NDUFB8: variants seen among roughly 807,000 people sequenced by gnomAD.
NDUFB8 encodes the protein NADH dehydrogenase [ubiquinone] 1 beta subcomplex subunit 8, mitochondrial.
In NDUFB8, 17 loss-of-function variants were observed where a neutral mutation model predicts 26.0. The ratio of observed to expected loss-of-function variants is 0.65; its 90% CI spans 0.45 to 0.98. NDUFB8 has a LOEUF of 0.98. NDUFB8 is among the 50% of genes least tolerant of loss of function. The pLI is 0.00. For synonymous variants in NDUFB8, 89 were observed against 93.1 expected (o/e 0.96, Z 0.25); for missense variants, 238 against 255.0 (o/e 0.93, Z 0.45).
rs758254924 is a variant in NDUFB8, at chr10:100,529,489, C to T, written c.103G>A (p.Asp35Asn). The T allele has an allele frequency of 3.1e-6, 5 of 1,612,180 alleles. No homozygotes were observed. Among genetic ancestry groups the T allele is most frequent in the South Asian group, 2.2e-5 (2 of 90,960 alleles). Residue 35 changes from aspartate (D) to asparagine (N), a missense_variant, in exon 2 of 5, where the codon GAC becomes AAC. Coordinates refer to ENST00000299166, the MANE Select transcript of NDUFB8 (RefSeq NM_005004.4). ...CTAGGATAGGGCCCCGGGAACATGT[C>T]CTTGGTCATGTGGGAGGCTAGAACG... ...GARTASHMTK[D>N]MFPGPYPRTP... is the part of the protein sequence containing the mutation.
At position 100,526,477 on chromosome 10, in the gene NDUFB8, A is replaced by T. The variant is rs1489656155; in HGVS notation, c.390T>A (p.Cys130Ter). Residue 130 changes from cysteine (C) to a stop codon, truncating the protein, a stop_gained, in exon 4 of 5, where the codon TGT (cysteine) becomes TGA (stop). Transcript: ENST00000299166. LOFTEE classifies it high-confidence loss of function. Reference protein sequence around the residue: ...SPTPVSWHVMCMQLFGFLAFM... With the variant: ...SPTPVSWHVM ...AAGCCAGGAAACCGAAGAGCTGCAT[A>T]CACATGACATGCCAAGAAACAGGTG... The T allele has an allele frequency of 6.2e-7, 1 of 1,613,066 alleles. No homozygotes were observed. Among genetic ancestry groups the T allele is most frequent in the East Asian group, 2.2e-5 (1 of 44,872 alleles).
rs1395471119 is a variant in NDUFB8 at position 100,524,160 on chromosome 10, GGGGGAGGGAAGGGGGTTA to G, written c.469-249_469-232del. On this transcript the variant is annotated intron_variant, in intron 4 of 4. Coordinates refer to ENST00000299166, the MANE Select transcript of NDUFB8 (RefSeq NM_005004.4). This position sits in a 1 kb window ranked among gnomAD's most constrained non-coding sequence, Gnocchi z 4.0. Reference sequence around the variant, plus strand: ...CTACACTGTGAGAGAGAAGGAGAAAGGGGGAGGGAAGGGGGTTAGGGAAAGGAGGGGAAGGGAGGAAGA... The same window carrying G: ...CTACACTGTGAGAGAGAAGGAGAAAGGGGAAAGGAGGGGAAGGGAGGAAGA... 10 of 1,564,510 alleles carry G rather than the reference GGGGGAGGGAAGGGGGTTA, an allele frequency of 6.4e-6. No homozygotes were observed. The highest frequency in any genetic ancestry group is 8.7e-6 in the Non-Finnish European group (10 of 1,151,370).
In NDUFB8 at chr10:100,526,985, C is replaced by G. The variant is rs756739746; in HGVS notation, c.302G>C (p.Trp101Ser). The change falls in exon 3 of 5, where the codon TGG becomes TCG. Residue 101 changes from tryptophan to serine, a missense_variant. By Grantham distance (177) the Trp-to-Ser change is radical (BLOSUM62 -3). Transcript: ENST00000299166. Reference protein sequence around the residue: ...SWDQPGLRLNWGEPMHWHLDM... With the variant: ...SWDQPGLRLNSGEPMHWHLDM... ...ATATGGTTCTCTTACCGGTTCACCC[C>G]AGTTCAACCTCAGGCCCGGCTGGTC... 1 of 1,613,992 alleles carries G rather than the reference C, an allele frequency of 6.2e-7. No individual in the cohort carries two copies. Among genetic ancestry groups the G allele is most frequent in the Non-Finnish European group, 8.5e-7 (1 of 1,179,862 alleles).
intron 2 of NDUFB8, among the ~76,000 whole-genome samples, chr10:100,528,638 G>C (rs1355042448): frequency 1.3e-5 from 2 of 152,170 alleles, no homozygotes; most frequent in East Asian, 3.8e-4. Flanking sequence ...TTCGAACAAG[G>C]CTGCTCTTGT....
At chr10:100,525,552 C>G (rs1174278474) in intron 4 of NDUFB8, among the ~76,000 whole-genome samples, 1 of 152,088 alleles carries the variant, frequency 6.6e-6, no homozygotes, top group Non-Finnish European at 1.5e-5. Flanking sequence ...AACCACCATA[C>G]CTGGCCGCCT....
chr10:100,529,095 A>C, intron 2 of NDUFB8: 1 of 264,882 alleles, frequency 3.8e-6, no homozygotes, highest in Non-Finnish European at 7.2e-6. Context: ...CGCTCTGGAT[A>C]GAGCCAAGGA....
At position 100,529,528 on chromosome 10, in the gene NDUFB8, G is replaced by A. The variant is rs368476242; in HGVS notation, c.86-22C>T. ...GAGGCTAGAACGCAGAAGAGAACAGGTCAGAAGCGAGCCCGCTCTCCAGCC... is the reference window on the plus strand; with the variant it reads ...GAGGCTAGAACGCAGAAGAGAACAGATCAGAAGCGAGCCCGCTCTCCAGCC... On this transcript the variant is annotated intron_variant, in intron 1 of 4. Coordinates refer to ENST00000299166, the MANE Select transcript of NDUFB8 (RefSeq NM_005004.4). 4.4e-5 allele frequency: 70 copies of A among 1,607,550 alleles called. No homozygotes were observed. The African/African-American group carries it at 8.9e-4, about 20-fold the overall frequency.
chr10:100,527,833 T>A (rs1852078345), intron 2 of NDUFB8, among the ~76,000 whole-genome samples: 1 of 152,194 alleles, frequency 6.6e-6, no homozygotes, highest in Non-Finnish European at 1.5e-5. Flanking sequence ...TTTTTCTCTT[T>A]TTTGAGACGG....
rs997493134 is a variant in NDUFB8, at chr10:100,524,796, T to G, written c.469-867A>C. ...GATTAATCTTCCTAAGAACTCAGCA[T>G]TCATTATGTCACTTTTCTGTTCGAA... On this transcript the variant is annotated intron_variant, in intron 4 of 4. Transcript: ENST00000299166. The surrounding 1 kb of genome is among the most constrained non-coding windows in gnomAD (Gnocchi z 4.0). Among the ~76,000 whole-genome samples, 1 of 152,228 alleles carries G rather than the reference T, an allele frequency of 6.6e-6. No homozygotes were observed. The highest frequency in any genetic ancestry group is 1.5e-5 in the Non-Finnish European group (1 of 68,036).
chr10:100,528,099 T>G (rs767300235), intron 2 of NDUFB8, among the ~76,000 whole-genome samples: 7 of 152,272 alleles, frequency 4.6e-5, no homozygotes, highest in Non-Finnish European at 7.3e-5. Flanking sequence ...ATTACAGGCG[T>G]GAGCCACTGT....
rs879062136 is a variant in NDUFB8 at position 100,529,114 on chromosome 10, G to A, written c.212+266C>T. ...CTGGATAGAGCCAAGGAAGGCTCCTGCTATTCGGGGGTCCTCGAGGGAGCC... is the reference window on the plus strand; with the variant it reads ...CTGGATAGAGCCAAGGAAGGCTCCTACTATTCGGGGGTCCTCGAGGGAGCC... On this transcript the variant is annotated intron_variant, in intron 2 of 4. Coordinates refer to ENST00000299166, the MANE Select transcript of NDUFB8 (RefSeq NM_005004.4). 21 of 302,194 alleles carry A rather than the reference G, an allele frequency of 6.9e-5. No individual in the cohort carries two copies. The South Asian group carries it at 1.1e-3, about 16-fold the overall frequency. 18.7% of individuals were successfully genotyped at this position (302,194 alleles called of 1,614,324 possible).
At position 100,524,222 on chromosome 10, in the gene NDUFB8, AAG is replaced by A. The variant is rs1012383925; in HGVS notation, c.469-295_469-294del. 8.2e-7 allele frequency: 1 copy of A among 1,213,058 alleles called. No homozygotes were observed. The highest frequency in any genetic ancestry group is 1.2e-6 in the Non-Finnish European group (1 of 841,298). 75.1% of individuals were successfully genotyped at this position (1,213,058 alleles called of 1,614,324 possible). On this transcript the variant is annotated intron_variant, in intron 4 of 4. Coordinates refer to ENST00000299166, the MANE Select transcript of NDUFB8 (RefSeq NM_005004.4). This position sits in a 1 kb window ranked among gnomAD's most constrained non-coding sequence, Gnocchi z 4.0. ...AGGAAGACAGGGAGGGAGGTAAAGA[AAG>A]AGAGAAGAGTGTGTTAGAGTCAGAG... is the stretch of plus-strand genomic sequence containing the variant.
Position 100,526,368 on chromosome 10 carries a change from G to A in NDUFB8, c.468+31C>T, listed in dbSNP as rs370368852. On this transcript the variant is annotated intron_variant, in intron 4 of 4. Coordinates refer to ENST00000299166, the MANE Select transcript of NDUFB8 (RefSeq NM_005004.4). Reference sequence around the variant, plus strand: ...CCTCAGGAAATGGGGCTAAGCAAGCGTGCCTAAGGGAGCACTTCTCGGATA... The same window carrying A: ...CCTCAGGAAATGGGGCTAAGCAAGCATGCCTAAGGGAGCACTTCTCGGATA... The A allele has an allele frequency of 1.5e-4, 230 of 1,547,286 alleles. 1 individual carries two copies. Among genetic ancestry groups the A allele is most frequent in the Non-Finnish European group, 1.8e-4 (211 of 1,155,280 alleles).
At chr10:100,527,162 G>A (rs1852066752) in intron 2 of NDUFB8, 88 bp from the exon 3 acceptor site, 5 of 1,094,618 alleles carry the variant, frequency 4.6e-6, no homozygotes, top group Non-Finnish European at 6.9e-6. Flanking sequence ...GAAACAAAGT[G>A]ACAGAGATAA....
At chr10:100,526,288 A>C in intron 4 of NDUFB8, 111 bp downstream of exon 4, 1 of 1,284,902 alleles carries the variant, frequency 7.8e-7, no homozygotes, top group South Asian at 1.7e-5. Context: ...ATCTCCTAAG[A>C]CTCCAGGAAG....
intron 2 of NDUFB8, among the ~76,000 whole-genome samples, chr10:100,528,630 C>T (rs574129715): frequency 1.1e-4 from 17 of 152,232 alleles, no homozygotes; most frequent in East Asian, 1.9e-4. Flanking sequence ...ACACTGGCTT[C>T]GAACAAGGCT....
rs775806330 is a variant in NDUFB8 at position 100,526,465 on chromosome 10, G to T, written c.402C>A (p.Phe134Leu). ...TGAATATCATGAAAGCCAGGAAACC[G>T]AAGAGCTGCATACACATGACATGCC... ...VSWHVMCMQL[F>L]GFLAFMIFMC... The change falls in exon 4 of 5, where the codon TTC becomes TTA. Residue 134 changes from phenylalanine (F) to leucine (L), a missense_variant. Coordinates refer to ENST00000299166, the MANE Select transcript of NDUFB8 (RefSeq NM_005004.4). The T allele has an allele frequency of 7.4e-6, 12 of 1,612,418 alleles. No individual in the cohort carries two copies. The highest frequency in any genetic ancestry group is 1.3e-5 in the African/African-American group (1 of 74,788).
chr10:100,526,109 T>C, intron 4 of NDUFB8: 1 of 274,506 alleles, frequency 3.6e-6, no homozygotes, highest in Non-Finnish European at 6.7e-6. Context: ...ATATTGTTAA[T>C]AAATATAATC....
intron 2 of NDUFB8, among the ~76,000 whole-genome samples, chr10:100,527,387 A>G (rs1852070741): frequency 6.6e-6 from 1 of 152,168 alleles, no homozygotes. Context: ...CAGATCACCT[A>G]AGGTCAGGAA....
Sources: gnomAD v4.1 joint callset for allele counts (sites outside exome capture counted in the v4.1 genomes callset) on GRCh38, gnomAD v4.1.1 for gene constraint, Gnocchi (gnomAD v3.1) non-coding constraint, MANE v1.5 for transcripts, NCBI Gene and HGNC (gene_info 2026-07-23, HGNC 2026-07-21) for gene names.